Variants in KLF12 observed in about 807,000 individuals in gnomAD.
The protein encoded by KLF12 is Krueppel-like factor 12.
In KLF12, 9 loss-of-function variants were observed where a neutral mutation model predicts 37.8. The ratio of observed to expected loss-of-function variants is 0.24; its 90% CI spans 0.14 to 0.42. The LOEUF (loss-of-function observed/expected upper bound fraction) is 0.42, where lower values mean the gene tolerates loss of function less well. KLF12 is among the 10% of genes least tolerant of loss of function. The pLI, the probability that KLF12 is intolerant of heterozygous loss-of-function variation, is 1.00. For synonymous variants in KLF12, 208 were observed against 202.1 expected, an observed-to-expected ratio of 1.03 and a Z score of -0.25; for missense variants, 411 against 516.0, an observed-to-expected ratio of 0.80 and a Z score of 1.97.
At chr13:73,801,282 G>C (rs562726213) in intron 5 of KLF12, 2 of 152,150 alleles carry the variant, frequency 1.3e-5, no homozygotes, top group African/African-American at 4.8e-5. Flanking sequence ...GTAACTCCTG[G>C]AAAGTAATGA....
intron 1 of KLF12, among the ~76,000 whole-genome samples, chr13:74,108,233 A>G (rs913654275): frequency 2.6e-5 from 4 of 152,016 alleles, no homozygotes; most frequent in Non-Finnish European, 4.4e-5. Flanking sequence ...ATTTGTCTAA[A>G]TAAACCATAT....
chr13:73,695,221 G>T lies in KLF12; in HGVS notation c.*269C>A, dbSNP rs549547928. On this transcript the variant is annotated 3_prime_UTR_variant, in exon 8 of 8. Transcript: ENST00000377669. ...TACAAGCTACAAACATCTTTAAATG[G>T]CAGAGGACACAGCACGGAAAACAAT... The T allele has an allele frequency of 9.7e-6, 4 of 412,030 alleles. No individual in the cohort carries two copies. The South Asian group carries it at 1.9e-4, about 20-fold the overall frequency. 25.5% of individuals were successfully genotyped at this position (412,030 alleles called of 1,614,324 possible). A position where few individuals can be genotyped will look rare whatever the true frequency, so the allele number is the denominator to read the frequency against.
At chr13:74,161,068 C>CT in the KLF12 span, among the ~76,000 whole-genome samples, 694 of 139,504 alleles carry the variant, frequency 5.0e-3, 6 homozygotes, top group African/African-American at 0.013. Context: ...TCAGGAGAGT[C>CT]TTTTTTTTTT....
intron 1 of KLF12, among the ~76,000 whole-genome samples, chr13:74,012,344 T>C (rs555932957): frequency 2.6e-5 from 4 of 152,310 alleles, no homozygotes; most frequent in Non-Finnish European, 4.4e-5. Context: ...ATAATCCTCA[T>C]AGACTATTAA....
chr13:74,133,054 C>T (rs890641149), intron 1 of KLF12, among the ~76,000 whole-genome samples: 13 of 152,274 alleles, frequency 8.5e-5, no homozygotes, highest in African/African-American at 2.9e-4. Flanking sequence ...GCCAGGTCCC[C>T]CGTAATTGAA....
At chr13:74,262,349 T>C in the KLF12 span, among the ~76,000 whole-genome samples, 1 of 152,164 alleles carries the variant, frequency 6.6e-6, no homozygotes, top group African/African-American at 2.4e-5. Flanking sequence ...TATAGCTTCA[T>C]GAGATTTGAA....
chr13:74,269,748 C>A, the KLF12 span, among the ~76,000 whole-genome samples: 5 of 152,108 alleles, frequency 3.3e-5, no homozygotes, highest in East Asian at 9.6e-4. Context: ...TTACTTTCAC[C>A]TTAGAAGTCC....
At chr13:73,940,045 G>C (rs1890119454) in intron 3 of KLF12, among the ~76,000 whole-genome samples, 1 of 152,130 alleles carries the variant, frequency 6.6e-6, no homozygotes, top group African/African-American at 2.4e-5. Flanking sequence ...TCCAGCTGGT[G>C]AACTGCAGGG....
At chr13:74,155,338 C>G in the KLF12 span, among the ~76,000 whole-genome samples, 1 of 151,334 alleles carries the variant, frequency 6.6e-6, no homozygotes, top group Non-Finnish European at 1.5e-5. Flanking sequence ...TCCTATTTTT[C>G]TTTCTTTTCT....
chr13:74,188,322 A>G, the KLF12 span, among the ~76,000 whole-genome samples: 1 of 152,166 alleles, frequency 6.6e-6, no homozygotes, highest in African/African-American at 2.4e-5. Context: ...AAACAGACCC[A>G]AATTATGTCA....
At chr13:74,282,002 A>G in the KLF12 span, among the ~76,000 whole-genome samples, 1 of 152,110 alleles carries the variant, frequency 6.6e-6, no homozygotes, top group African/African-American at 2.4e-5. Context: ...TTAGCCCCCA[A>G]ACACCAGGGA....
At chr13:74,074,630 A>G (rs1874462666) in intron 1 of KLF12, among the ~76,000 whole-genome samples, 1 of 151,974 alleles carries the variant, frequency 6.6e-6, no homozygotes, top group African/African-American at 2.4e-5. Context: ...TTTCCTTTTT[A>G]TTTTTTAACT....
Position 73,975,265 on chromosome 13 carries a change from C to T in KLF12, c.33+19725G>A, listed in dbSNP as rs370357120. 4.6e-5 allele frequency among the ~76,000 whole-genome samples: 7 copies of T among 152,300 alleles called. No individual in the cohort carries two copies. In the East Asian group the frequency reaches 1.4e-3, roughly 29 times the overall value. ...GAGGTATTGTCCAATTCTATAATTA[C>T]AAATAAAATCCAGTTAGATCTTTAA... On this transcript the variant is annotated intron_variant, in intron 2 of 7. Coordinates refer to ENST00000377669, the MANE Select transcript of KLF12 (RefSeq NM_007249.5).
intron 3 of KLF12, among the ~76,000 whole-genome samples, chr13:73,900,749 T>A (rs547569982): frequency 6.6e-6 from 1 of 152,186 alleles, no homozygotes; most frequent in Admixed American, 6.5e-5. Flanking sequence ...AATGTCTACA[T>A]GTTTTTCCTT....
chr13:74,131,003 T>G (rs749786706), intron 1 of KLF12, among the ~76,000 whole-genome samples: 30 of 152,242 alleles, frequency 2.0e-4, no homozygotes, highest in Admixed American at 1.6e-3. Context: ...TATATGTTCA[T>G]CTACTTAACA....
At chr13:73,995,440 A>G (rs934424996) in intron 1 of KLF12, among the ~76,000 whole-genome samples, 5 of 152,222 alleles carry the variant, frequency 3.3e-5, no homozygotes, top group African/African-American at 2.4e-5. Context: ...AGAAGTCCCA[A>G]ATACTCAAAC....
the KLF12 span, among the ~76,000 whole-genome samples, chr13:74,271,386 C>T: frequency 6.6e-6 from 1 of 152,144 alleles, no homozygotes; most frequent in Admixed American, 6.6e-5. Flanking sequence ...TATGAGGTCT[C>T]TAATCTCTTA....
intron 2 of KLF12, among the ~76,000 whole-genome samples, chr13:73,993,330 T>C (rs1227228585): frequency 6.6e-6 from 1 of 152,242 alleles, no homozygotes; most frequent in Non-Finnish European, 1.5e-5. Context: ...TTGTTCAGAA[T>C]GAATCACATA....
the KLF12 span, among the ~76,000 whole-genome samples, chr13:74,163,175 G>A: frequency 6.6e-6 from 1 of 152,094 alleles, no homozygotes; most frequent in Admixed American, 6.6e-5. Context: ...CAGTTTGGAG[G>A]TTCCTCAAAA....
Sources: gnomAD v4.1 joint callset for allele counts (sites outside exome capture counted in the v4.1 genomes callset) on GRCh38, gnomAD v4.1.1 for gene constraint, MANE v1.5 for transcripts, NCBI Gene and HGNC (gene_info 2026-07-23, HGNC 2026-07-21) for gene names.